Variants in SHISA9 observed in about 807,000 individuals in gnomAD.
SHISA9 encodes protein shisa-9.
Under a neutral mutation model 38.0 loss-of-function variants are expected in SHISA9, and 13 were observed. The observed-to-expected ratio is 0.34, with a 90% CI of 0.22 to 0.54. The LOEUF is 0.54. Among genes scored for constraint, SHISA9 ranks in the 20% least tolerant of loss-of-function variants. The pLI, the probability that SHISA9 is intolerant of heterozygous loss-of-function variation, is 0.91. For synonymous variants in SHISA9, 275 were observed against 242.0 expected, an observed-to-expected ratio of 1.14 and a Z score of -1.27; for missense variants, 538 against 575.8, an observed-to-expected ratio of 0.93 and a Z score of 0.67.
the SHISA9 span, among the ~76,000 whole-genome samples, chr16:13,303,955 T>A: frequency 1.3e-5 from 2 of 152,088 alleles, no homozygotes; most frequent in African/African-American, 2.4e-5. Context: ...CATAACAAAG[T>A]TGAATTGTCC....
chr16:13,227,976 G>C (rs1184210332), intron 4 of SHISA9, among the ~76,000 whole-genome samples: 2 of 152,188 alleles, frequency 1.3e-5, no homozygotes, highest in Non-Finnish European at 2.9e-5. Context: ...TCTTAAGGCA[G>C]GGAATAGGTA....
At chr16:13,138,837 G>C (rs560144529) in intron 2 of SHISA9, among the ~76,000 whole-genome samples, 1 of 152,076 alleles carries the variant, frequency 6.6e-6, no homozygotes, top group Non-Finnish European at 1.5e-5. Flanking sequence ...AGGATTCATG[G>C]CTCCTGACAT....
intron 2 of SHISA9, among the ~76,000 whole-genome samples, chr16:13,152,744 T>C (rs116916866): frequency 0.013 from 1,911 of 152,256 alleles, 23 homozygotes; most frequent in South Asian, 0.023. Context: ...AGACTCTATC[T>C]GAAGAAGGAA....
At chr16:12,946,730 G>A (rs1039424031) in intron 2 of SHISA9, among the ~76,000 whole-genome samples, 1 of 152,222 alleles carries the variant, frequency 6.6e-6, no homozygotes, top group Non-Finnish European at 1.5e-5. Context: ...CAATAGCCAT[G>A]GCGGAGAAGG....
chr16:13,502,810 G>T, the SHISA9 span, among the ~76,000 whole-genome samples: 2 of 152,266 alleles, frequency 1.3e-5, no homozygotes, highest in South Asian at 4.1e-4. Flanking sequence ...CCAGAAGGCA[G>T]AGGTTGTAGT....
chr16:12,983,576 C>T (rs188863033), intron 2 of SHISA9, among the ~76,000 whole-genome samples: 43 of 152,268 alleles, frequency 2.8e-4, no homozygotes, highest in African/African-American at 9.9e-4. Flanking sequence ...GCAAGCTCTG[C>T]CTCTCAGGTT....
chr16:13,368,978 G>C, the SHISA9 span, among the ~76,000 whole-genome samples: 1 of 152,096 alleles, frequency 6.6e-6, no homozygotes, highest in African/African-American at 2.4e-5. Flanking sequence ...TGTGTGTTTG[G>C]AAATATTTGA....
the SHISA9 span, among the ~76,000 whole-genome samples, chr16:13,376,804 C>G: frequency 6.6e-6 from 1 of 151,958 alleles, no homozygotes; most frequent in Non-Finnish European, 1.5e-5. Context: ...CCTCCCACCT[C>G]AGCCTCCTGA....
intron 2 of SHISA9, among the ~76,000 whole-genome samples, chr16:13,114,488 A>G (rs557212294): frequency 3.3e-5 from 5 of 149,624 alleles, no homozygotes; most frequent in East Asian, 4.0e-4. Flanking sequence ...AAAAAAAAAA[A>G]GACGAAAAAT....
chr16:13,011,753 C>T (rs951786537), intron 2 of SHISA9, among the ~76,000 whole-genome samples: 1 of 151,932 alleles, frequency 6.6e-6, no homozygotes. Flanking sequence ...GATCCCTTGA[C>T]CTCGTGATCC....
chr16:13,379,012 A>G, the SHISA9 span, among the ~76,000 whole-genome samples: 1 of 152,186 alleles, frequency 6.6e-6, no homozygotes, highest in African/African-American at 2.4e-5. Context: ...TTTAAGTTTC[A>G]CCACTCAAGG....
intron 2 of SHISA9, among the ~76,000 whole-genome samples, chr16:12,922,393 C>G (rs142874100): frequency 1.8e-4 from 28 of 152,376 alleles, no homozygotes; most frequent in African/African-American, 6.0e-4. Flanking sequence ...GCCTACAGCA[C>G]ACTGCTCCAG....
intron 4 of SHISA9, among the ~76,000 whole-genome samples, chr16:13,224,253 G>T (rs1318579713): frequency 6.6e-6 from 1 of 152,148 alleles, no homozygotes; most frequent in Non-Finnish European, 1.5e-5. Context: ...ATCAATCCCT[G>T]CCTTCTTCAC....
chr16:13,186,287 C>CTTTTTTTTTTTTTTTTTTTT (rs1567239378), intron 2 of SHISA9, among the ~76,000 whole-genome samples: 3 of 123,814 alleles, frequency 2.4e-5, no homozygotes, highest in Non-Finnish European at 3.4e-5. Context: ...ACCATCTTAA[C>CTTTTTTTTTTTTTTTTTTTT]CTTTTTTTTT....
At chr16:13,102,941 C>T (rs1457376361) in intron 2 of SHISA9, among the ~76,000 whole-genome samples, 1 of 152,176 alleles carries the variant, frequency 6.6e-6, no homozygotes, top group African/African-American at 2.4e-5. Flanking sequence ...CAGAGGGAGG[C>T]GGCACTTCCT....
chr16:13,309,717 A>T, the SHISA9 span, among the ~76,000 whole-genome samples: 1 of 151,132 alleles, frequency 6.6e-6, no homozygotes, highest in Non-Finnish European at 1.5e-5. Context: ...TAACTCTTTT[A>T]TGATTTGTGA....
At chr16:12,910,566 CTT>C (rs2071169175) in intron 1 of SHISA9, 4 of 985,366 alleles carry the variant, frequency 4.1e-6, no homozygotes, top group African/African-American at 1.7e-5. Context: ...TCAGTACTCT[CTT>C]GTGAAATTTT....
At chr16:13,055,906 C>G (rs746735325) in intron 2 of SHISA9, among the ~76,000 whole-genome samples, 2 of 152,212 alleles carry the variant, frequency 1.3e-5, no homozygotes, top group African/African-American at 2.4e-5. Flanking sequence ...GTCCAACAAG[C>G]CTTTGCTGAG....
At chr16:13,037,775 T>C (rs967358434) in intron 2 of SHISA9, among the ~76,000 whole-genome samples, 1 of 152,190 alleles carries the variant, frequency 6.6e-6, no homozygotes, top group East Asian at 1.9e-4. Flanking sequence ...ATCTGATTCA[T>C]TCACTACCTT....
Sources: allele counts gnomAD v4.1 joint callset (sites outside exome capture counted in the v4.1 genomes callset), GRCh38; gene constraint gnomAD v4.1.1; transcripts MANE v1.5; gene names NCBI Gene and HGNC (gene_info 2026-07-23, HGNC 2026-07-21).